SLC22A15: variants seen among roughly 807,000 people sequenced by gnomAD.
The protein encoded by SLC22A15 is flipt 1.
A neutral mutation model predicts 62.7 loss-of-function variants in SLC22A15; 45 were observed. The observed-to-expected ratio is 0.72, with a 90% CI of 0.56 to 0.92. The LOEUF is 0.92. Among genes scored for constraint, SLC22A15 ranks in the 40% least tolerant of loss-of-function variants. SLC22A15 has a pLI of 0.00. For synonymous variants in SLC22A15, 264 were observed against 267.0 expected, an observed-to-expected ratio of 0.99 and a Z score of 0.11; for missense variants, 622 against 665.6, an observed-to-expected ratio of 0.93 and a Z score of 0.72.
chr1:116,005,029 A>G (rs1655908235), intron 2 of SLC22A15, among the ~76,000 whole-genome samples: 1 of 151,898 alleles, frequency 6.6e-6, no homozygotes, highest in African/African-American at 2.4e-5. Context: ...TTCTTTTATT[A>G]CCTGGTATTG....
chr1:116,043,309 C>T (rs1181129753), intron 8 of SLC22A15, among the ~76,000 whole-genome samples: 1 of 151,984 alleles, frequency 6.6e-6, no homozygotes, highest in Non-Finnish European at 1.5e-5. Context: ...ACCTGTAATC[C>T]CAGCTATTTG....
Position 116,051,579 on chromosome 1 carries a change from C to T in SLC22A15, c.1172-11183C>T, listed in dbSNP as rs190436159. ...AAATCAGCTCAAGATGGATTAAGGACTTAAATCTAAGACCGGAAACTATAA... is the reference window on the plus strand; with the variant it reads ...AAATCAGCTCAAGATGGATTAAGGATTTAAATCTAAGACCGGAAACTATAA... On this transcript the variant is annotated intron_variant, in intron 8 of 11. Coordinates refer to ENST00000369503, the MANE Select transcript of SLC22A15 (RefSeq NM_018420.3). Among the ~76,000 whole-genome samples the T allele has an allele frequency of 5.1e-4, 77 of 152,302 alleles. No individual in the cohort carries two copies. The East Asian group carries it at 0.015, about 29-fold the overall frequency.
chr1:116,065,231 A>G (rs956990774), intron 10 of SLC22A15, among the ~76,000 whole-genome samples: 3 of 152,096 alleles, frequency 2.0e-5, no homozygotes, highest in African/African-American at 7.2e-5. Flanking sequence ...TCTGTAGACA[A>G]CTGTTCATTA....
intron 1 of SLC22A15, among the ~76,000 whole-genome samples, chr1:115,978,513 T>C (rs1162942890): frequency 6.6e-6 from 1 of 152,178 alleles, no homozygotes; most frequent in East Asian, 1.9e-4. Context: ...GTTTATCTTA[T>C]AGATGTGGGT....
intron 2 of SLC22A15, among the ~76,000 whole-genome samples, chr1:116,003,011 G>A (rs893172775): frequency 1.6e-4 from 25 of 152,142 alleles, no homozygotes; most frequent in Non-Finnish European, 2.1e-4. Flanking sequence ...CTGCTGCCTG[G>A]CTACCACTGG....
chr1:116,037,184 C>T, intron 7 of SLC22A15, 119 bp from the exon 8 acceptor site: 1 of 831,618 alleles, frequency 1.2e-6, no homozygotes, highest in South Asian at 1.6e-5. Context: ...GCCACTTAGC[C>T]TTAAGAGGAG....
chr1:116,052,955 G>GA (rs1194562042), intron 8 of SLC22A15, among the ~76,000 whole-genome samples: 1 of 152,038 alleles, frequency 6.6e-6, no homozygotes, highest in Non-Finnish European at 1.5e-5. Flanking sequence ...CAAAGATGGG[G>GA]AAAAAACAGA....
rs919644494 is a variant in SLC22A15, at chr1:116,052,057, A to T, written c.1172-10705A>T. On this transcript the variant is annotated intron_variant, in intron 8 of 11. Coordinates refer to ENST00000369503, the MANE Select transcript of SLC22A15 (RefSeq NM_018420.3). ...GGGAGTGCCAGACAGTGGGCGCAGG[A>T]CAGTGGGTGCAGTGCACCATGCGCG... Among the ~76,000 whole-genome samples the T allele has an allele frequency of 2.0e-5, 3 of 152,212 alleles. No homozygotes were observed. The East Asian group carries it at 5.8e-4, about 29-fold the overall frequency.
chr1:115,994,313 C>A (rs936217895), intron 2 of SLC22A15, among the ~76,000 whole-genome samples: 3 of 152,136 alleles, frequency 2.0e-5, no homozygotes, highest in Admixed American at 2.0e-4. Flanking sequence ...CAAAGTAATT[C>A]TATGAGGTAG....
intron 1 of SLC22A15, among the ~76,000 whole-genome samples, chr1:115,977,696 C>A (rs1290695101): frequency 6.6e-6 from 1 of 152,112 alleles, no homozygotes; most frequent in Non-Finnish European, 1.5e-5. Context: ...CCAGTGGCTG[C>A]GGGTGGGGCA....
In SLC22A15 at chr1:116,035,181, T is replaced by A; in HGVS notation, c.945-6T>A. 6.2e-7 allele frequency: 1 copy of A among 1,609,816 alleles called. No individual in the cohort carries two copies. Among genetic ancestry groups the A allele is most frequent in the Non-Finnish European group, 8.5e-7 (1 of 1,178,040 alleles). ...TACCTCCTGGTCCTTTGACTCCCAA[T>A]TGCAGGTTTGTGTGCAGCTTGGTGT... On this transcript the variant is annotated splice_polypyrimidine_tract_variant and splice_region_variant and intron_variant, in intron 6 of 11. Transcript: ENST00000369503.
chr1:116,032,245 T>C, intron 6 of SLC22A15: 1 of 985,416 alleles, frequency 1.0e-6, no homozygotes, highest in Non-Finnish European at 1.2e-6. Context: ...CATTCAGCGG[T>C]TCAAGATGGT....
intron 8 of SLC22A15, among the ~76,000 whole-genome samples, chr1:116,037,874 G>A (rs114381381): frequency 0.026 from 3,915 of 152,278 alleles, 79 homozygotes; most frequent in Non-Finnish European, 0.042. Flanking sequence ...GGTGACAATG[G>A]ATAGTCTCTT....
intron 5 of SLC22A15, among the ~76,000 whole-genome samples, chr1:116,029,494 G>A (rs529981721): frequency 2.0e-5 from 3 of 152,252 alleles, no homozygotes; most frequent in South Asian, 4.1e-4. Flanking sequence ...TGTTTTGTAC[G>A]TATAATCTGC....
Position 116,068,999 on chromosome 1 carries a change from T to C in SLC22A15, c.*1891T>C, listed in dbSNP as rs562005511. 5 of 152,324 alleles carry C rather than the reference T, an allele frequency of 3.3e-5. No individual in the cohort carries two copies. Among genetic ancestry groups the C allele is most frequent in the African/African-American group, 9.6e-5 (4 of 41,572 alleles). The allele number at this position is 152,324 out of a possible 1,614,324, so 9.4% of individuals were successfully genotyped here. A position where few individuals can be genotyped will look rare whatever the true frequency, so the allele number is the denominator to read the frequency against. ...AAACGTATCACCCATACGTCCAACA[T>C]CGAAAGAAAACCAGTGTTATGACTT... On this transcript the variant is annotated 3_prime_UTR_variant, in exon 12 of 12. Coordinates refer to ENST00000369503, the MANE Select transcript of SLC22A15 (RefSeq NM_018420.3).
chr1:116,035,053 G>A lies in SLC22A15; in HGVS notation c.945-134G>A, dbSNP rs116102878. 5,481 of 932,756 alleles carry A rather than the reference G, an allele frequency of 5.9e-3. 206 individuals carry two copies. The African/African-American group carries it at 0.083, about 14-fold the overall frequency. The allele number at this position is 932,756 out of a possible 1,614,324, so 57.8% of individuals were successfully genotyped here. On this transcript the variant is annotated intron_variant, in intron 6 of 11. Coordinates refer to ENST00000369503, the MANE Select transcript of SLC22A15 (RefSeq NM_018420.3). ...TTAAAATAGAAAAATTAGTAGGAGA[G>A]ACAAGCTTATTGCTTACAGCAGATC...
At chr1:115,995,020 A>G (rs1655352329) in intron 2 of SLC22A15, among the ~76,000 whole-genome samples, 1 of 151,904 alleles carries the variant, frequency 6.6e-6, no homozygotes, top group African/African-American at 2.4e-5. Context: ...TTAAGCATCT[A>G]TACCTTTTCT....
intron 8 of SLC22A15, among the ~76,000 whole-genome samples, chr1:116,044,632 A>G (rs547206911): frequency 1.3e-5 from 2 of 152,356 alleles, no homozygotes; most frequent in South Asian, 4.1e-4. Context: ...GATCACCTTC[A>G]TAGAAAGTCC....
chr1:115,989,834 G>A (rs1347189350), intron 1 of SLC22A15, among the ~76,000 whole-genome samples: 1 of 151,624 alleles, frequency 6.6e-6, no homozygotes, highest in Non-Finnish European at 1.5e-5. Flanking sequence ...TTTGAATAGT[G>A]CCTCGCACAT....
Sources: gnomAD v4.1 joint callset for allele counts (sites outside exome capture counted in the v4.1 genomes callset) on GRCh38, gnomAD v4.1.1 for gene constraint, MANE v1.5 for transcripts, NCBI Gene and HGNC (gene_info 2026-07-23, HGNC 2026-07-21) for gene names.